The following EPHA6 variants were observed in gnomAD, a reference collection of about 807,000 sequenced individuals.
EPHA6 encodes ephrin type-A receptor 6.
Under a neutral mutation model 112.0 loss-of-function variants are expected in EPHA6, and 50 were observed. The ratio of observed to expected loss-of-function variants is 0.45; its 90% confidence interval spans 0.36 to 0.56. The LOEUF (loss-of-function observed/expected upper bound fraction) is 0.56, where lower values mean the gene tolerates loss of function less well. Ranked by LOEUF, EPHA6 falls within the 20% of genes least tolerant of loss-of-function variation. The pLI is 0.00. For synonymous variants in EPHA6, 529 were observed against 490.7 expected (o/e 1.08, Z -1.03); for missense variants, 1,280 against 1,417.4 (o/e 0.90, Z 1.56).
At chr3:97,229,735 A>G (rs1033073933) in intron 4 of EPHA6, among the ~76,000 whole-genome samples, 2 of 152,158 alleles carry the variant, frequency 1.3e-5, no homozygotes, top group African/African-American at 4.8e-5. Flanking sequence ...ATTTCCTTAT[A>G]AAATATTTTT....
At chr3:97,574,525 G>C (rs2093364760) in intron 11 of EPHA6, among the ~76,000 whole-genome samples, 1 of 152,110 alleles carries the variant, frequency 6.6e-6, no homozygotes, top group South Asian at 2.1e-4. Flanking sequence ...TATTGTGGAT[G>C]TCAAAGCTGT....
chr3:97,466,276 G>C (rs375570458), intron 7 of EPHA6: 10 of 1,285,254 alleles, frequency 7.8e-6, no homozygotes, highest in African/African-American at 5.9e-5. Context: ...AGGTTAGATA[G>C]AAAACATTCC....
chr3:97,409,382 A>G (rs1445930089), intron 6 of EPHA6, among the ~76,000 whole-genome samples: 1 of 152,116 alleles, frequency 6.6e-6, no homozygotes, highest in Non-Finnish European at 1.5e-5. Flanking sequence ...ATTTACTCCT[A>G]ACAACATATG....
intron 3 of EPHA6, among the ~76,000 whole-genome samples, chr3:97,061,895 A>G (rs1162274565): frequency 1.3e-5 from 2 of 152,150 alleles, no homozygotes; most frequent in East Asian, 1.9e-4. Flanking sequence ...GAGGCTCCCA[A>G]TTTAGTTGGG....
intron 2 of EPHA6, among the ~76,000 whole-genome samples, chr3:96,875,551 C>T (rs2107489192): frequency 6.6e-6 from 1 of 152,082 alleles, no homozygotes; most frequent in Middle Eastern, 3.4e-3. Flanking sequence ...AAGCAGGTAA[C>T]AATGATTTAA....
intron 4 of EPHA6, among the ~76,000 whole-genome samples, chr3:97,229,872 C>T (rs1392714909): frequency 6.6e-6 from 1 of 152,014 alleles, no homozygotes; most frequent in Non-Finnish European, 1.5e-5. Context: ...TAGAAAATTA[C>T]TACTTAGGTA....
chr3:96,935,780 C>T (rs2040550943), intron 2 of EPHA6, among the ~76,000 whole-genome samples: 1 of 148,360 alleles, frequency 6.7e-6, no homozygotes, highest in Non-Finnish European at 1.5e-5. Context: ...TGTGTGTAGT[C>T]CTAAGGATGT....
intron 16 of EPHA6, among the ~76,000 whole-genome samples, chr3:97,742,586 G>A (rs2035551442): frequency 6.6e-6 from 1 of 151,968 alleles, no homozygotes; most frequent in African/African-American, 2.4e-5. Flanking sequence ...ATAAAAGACT[G>A]ACAAAAGATA....
chr3:97,590,598 A>AT (rs1406618966), intron 11 of EPHA6, among the ~76,000 whole-genome samples: 1 of 151,834 alleles, frequency 6.6e-6, no homozygotes, highest in Non-Finnish European at 1.5e-5. Context: ...CATTTATATC[A>AT]TTTTTTCTTT....
At chr3:97,364,839 G>A (rs2108953189) in intron 5 of EPHA6, among the ~76,000 whole-genome samples, 1 of 152,206 alleles carries the variant, frequency 6.6e-6, no homozygotes, top group Non-Finnish European at 1.5e-5. Flanking sequence ...GAAGAGATTA[G>A]TGAAGCACAA....
chr3:96,988,848 A>C (rs574681064), intron 3 of EPHA6, among the ~76,000 whole-genome samples: 3 of 152,264 alleles, frequency 2.0e-5, no homozygotes, highest in Non-Finnish European at 4.4e-5. Flanking sequence ...AAATACCTAT[A>C]ATTTTCGTGA....
chr3:96,843,916 A>G (rs1030630649), intron 1 of EPHA6, among the ~76,000 whole-genome samples: 2 of 152,042 alleles, frequency 1.3e-5, no homozygotes, highest in Admixed American at 6.6e-5. Flanking sequence ...TACTCAGTAG[A>G]TATACTTTAT....
chr3:97,008,027 G>T (rs1359241601), intron 3 of EPHA6, among the ~76,000 whole-genome samples: 1 of 152,098 alleles, frequency 6.6e-6, no homozygotes, highest in East Asian at 1.9e-4. Flanking sequence ...CTCCCTGGCT[G>T]CCCTTAACAG....
intron 10 of EPHA6, among the ~76,000 whole-genome samples, chr3:97,503,173 G>T (rs1276228752): frequency 6.6e-6 from 1 of 152,012 alleles, no homozygotes; most frequent in Non-Finnish European, 1.5e-5. Flanking sequence ...TACAAAAACT[G>T]ACCTCAGGAT....
At chr3:97,641,915 G>T (rs1025314085) in intron 14 of EPHA6, among the ~76,000 whole-genome samples, 2 of 151,258 alleles carry the variant, frequency 1.3e-5, no homozygotes, top group Non-Finnish European at 3.0e-5. Context: ...CAGCCAGGAA[G>T]CTCGAACTGG....
intron 2 of EPHA6, among the ~76,000 whole-genome samples, chr3:96,905,793 G>A (rs2038901841): frequency 6.6e-6 from 1 of 151,900 alleles, no homozygotes; most frequent in South Asian, 2.1e-4. Flanking sequence ...ACCGTTTGTA[G>A]ATGTTTTAAC....
chr3:97,491,415 A>G (rs139265284), intron 10 of EPHA6, among the ~76,000 whole-genome samples: 28 of 152,210 alleles, frequency 1.8e-4, no homozygotes, highest in Admixed American at 5.9e-4. Context: ...CTCTTGTAAG[A>G]TGGATAGTGG....
chr3:97,457,590 C>T (rs1163856111), intron 7 of EPHA6, among the ~76,000 whole-genome samples: 2 of 152,064 alleles, frequency 1.3e-5, no homozygotes, highest in Non-Finnish European at 2.9e-5. Flanking sequence ...ATTTAATTTG[C>T]ATGGTGCCAC....
chr3:97,504,408 G>A (rs924111711), intron 10 of EPHA6, among the ~76,000 whole-genome samples: 13 of 152,140 alleles, frequency 8.5e-5, no homozygotes, highest in Non-Finnish European at 1.5e-4. Context: ...AAATGATGAG[G>A]CCTAGCATCT....
Sources: allele counts gnomAD v4.1 joint callset (sites outside exome capture counted in the v4.1 genomes callset), GRCh38; gene constraint gnomAD v4.1.1; transcripts MANE v1.5; gene names NCBI Gene and HGNC (gene_info 2026-07-23, HGNC 2026-07-21).